ZNF831: variants seen among roughly 807,000 people sequenced by gnomAD.
ZNF831 encodes the protein chromosome 20 open reading frame 174.
In ZNF831, 59 loss-of-function variants were observed where a neutral mutation model predicts 95.8. The ratio of observed to expected loss-of-function variants is 0.62; its 90% confidence interval spans 0.50 to 0.77. ZNF831 has a LOEUF of 0.77. Ranked by LOEUF, ZNF831 falls within the 30% of genes least tolerant of loss-of-function variation. The probability of loss-of-function intolerance (pLI) is 0.00; values close to 1 mark genes in which losing one functional copy is unlikely to be tolerated. For synonymous variants in ZNF831, 961 were observed against 925.5 expected, an observed-to-expected ratio of 1.04 and a Z score of -0.70; for missense variants, 2,205 against 2,164.0, an observed-to-expected ratio of 1.02 and a Z score of -0.38.
chr20:59,237,377 C>A (rs552660164), intron 4 of ZNF831, among the ~76,000 whole-genome samples: 1 of 152,164 alleles, frequency 6.6e-6, no homozygotes, highest in Non-Finnish European at 1.5e-5. Context: ...GACAGGGTCT[C>A]GCTCTGTCAC....
Position 59,192,413 on chromosome 20 carries a change from G to C in ZNF831, c.1394G>C (p.Arg465Thr). The C allele has an allele frequency of 6.2e-7, 1 of 1,611,074 alleles. No individual in the cohort carries two copies. Among genetic ancestry groups the C allele is most frequent in the Non-Finnish European group, 8.5e-7 (1 of 1,179,052 alleles). The change falls in exon 2 of 6, where the codon AGG becomes ACG. Residue 465 changes from arginine (R) to threonine (T), a missense_variant. Transcript: ENST00000371030. The surrounding 1 kb of genome is among the most constrained non-coding windows in gnomAD (Gnocchi z 5.2). ...CGCGCGCTGGAGCCAGGCCGTAGGA[G>C]GGCCCCGGGCCCCGTGCGCTCCACC... ...DIRALEPGRR[R>T]APGPVRSTWT...
chr20:59,142,464 C>T (rs937048596), intron 1 of ZNF831, among the ~76,000 whole-genome samples: 1 of 152,216 alleles, frequency 6.6e-6, no homozygotes, highest in Non-Finnish European at 1.5e-5. Flanking sequence ...TACCCCCTAC[C>T]CCCACATTTA....
At chr20:59,206,725 G>T (rs1029364831) in intron 3 of ZNF831, among the ~76,000 whole-genome samples, 180 bp from the exon 4 acceptor site, 3 of 151,572 alleles carry the variant, frequency 2.0e-5, no homozygotes, top group African/African-American at 7.2e-5. Context: ...CTGAAGCTAG[G>T]CGCATTATCC....
chr20:59,228,401 GC>G (rs1452611986), intron 4 of ZNF831, among the ~76,000 whole-genome samples: 2 of 151,164 alleles, frequency 1.3e-5, no homozygotes, highest in South Asian at 2.2e-4. Context: ...GCTGCTGACA[GC>G]CAACTAACTT....
chr20:59,142,975 C>A (rs1979729073), intron 1 of ZNF831, among the ~76,000 whole-genome samples: 2 of 152,194 alleles, frequency 1.3e-5, no homozygotes, highest in South Asian at 4.1e-4. Context: ...TAACTCACTG[C>A]AACCTCGACC....
At chr20:59,174,758 C>CAAAAAAA (rs970686582) in intron 1 of ZNF831, among the ~76,000 whole-genome samples, 1 of 151,920 alleles carries the variant, frequency 6.6e-6, no homozygotes, top group Admixed American at 6.6e-5. Flanking sequence ...ACAAAACAAA[C>CAAAAAAA]AAAAAAACAC....
rs2146568617 is a variant in ZNF831 at position 59,192,619 on chromosome 20, A to G, written c.1600A>G (p.Ser534Gly). Reference sequence around the variant, plus strand: ...CTGGTCCAGGACGCAGAAGCCTCTGAGCCCCAGGCCCGGCCCAGCCCGCCT... The same window carrying G: ...CTGGTCCAGGACGCAGAAGCCTCTGGGCCCCAGGCCCGGCCCAGCCCGCCT... Reference protein sequence around the residue: ...DPWSRTQKPLSPRPGPARLGC... With the variant: ...DPWSRTQKPLGPRPGPARLGC... Residue 534 changes from serine to glycine, a missense_variant, in exon 2 of 6, where the codon AGC becomes GGC. Coordinates refer to ENST00000371030, the MANE Select transcript of ZNF831 (RefSeq NM_178457.3). This position sits in a 1 kb window ranked among gnomAD's most constrained non-coding sequence, Gnocchi z 5.2. 1.3e-6 allele frequency: 2 copies of G among 1,501,872 alleles called. No homozygotes were observed. Among genetic ancestry groups the G allele is most frequent in the Non-Finnish European group, 8.9e-7 (1 of 1,128,704 alleles). The allele number at this position is 1,501,872 out of a possible 1,614,324, so 93.0% of individuals were successfully genotyped here.
chr20:59,221,413 C>T (rs913783851), intron 4 of ZNF831, among the ~76,000 whole-genome samples: 1 of 152,180 alleles, frequency 6.6e-6, no homozygotes, highest in African/African-American at 2.4e-5. Flanking sequence ...CCTGGCAATA[C>T]TGTGCTCTTG....
chr20:59,195,688 T>C (rs1406247969), intron 2 of ZNF831, 181 bp from the exon 3 acceptor site: 1 of 859,044 alleles, frequency 1.2e-6, no homozygotes, highest in Non-Finnish European at 1.4e-6. Flanking sequence ...GGAGGTTCTG[T>C]CCAGGAACGC....
chr20:59,165,480 G>C (rs922830208), intron 1 of ZNF831, among the ~76,000 whole-genome samples: 5 of 152,186 alleles, frequency 3.3e-5, no homozygotes, highest in African/African-American at 1.2e-4. Context: ...GAGAGTTTAA[G>C]TGACTTATTC....
At chr20:59,129,864 A>C (rs1380341027) in intron 1 of ZNF831, among the ~76,000 whole-genome samples, 3 of 152,204 alleles carry the variant, frequency 2.0e-5, no homozygotes, top group Non-Finnish European at 4.4e-5. Context: ...GGTGCATCCC[A>C]TGCTCGTTCC....
chr20:59,177,574 C>T (rs1404139266), intron 1 of ZNF831, among the ~76,000 whole-genome samples: 1 of 152,192 alleles, frequency 6.6e-6, no homozygotes, highest in Admixed American at 6.5e-5. Flanking sequence ...AGTTGGTATA[C>T]AGTAGACCAG....
At position 59,193,432 on chromosome 20, in the gene ZNF831, G is replaced by A. The variant is rs2146583286; in HGVS notation, c.2413G>A (p.Val805Ile). The change falls in exon 2 of 6, where the codon GTC (valine) becomes ATC (isoleucine). Residue 805 changes from valine to isoleucine, a missense_variant. Val to Ile is a conservative substitution (Grantham distance 29). Coordinates refer to ENST00000371030, the MANE Select transcript of ZNF831 (RefSeq NM_178457.3). Reference sequence around the variant, plus strand: ...GGAGACCTGCCTGTGGGCCCAGACTGTCCTGAGATGGCCCAGCAGGGGCTC... The same window carrying A: ...GGAGACCTGCCTGTGGGCCCAGACTATCCTGAGATGGCCCAGCAGGGGCTC... ...VQETCLWAQTVLRWPSRGSGE... is the reference protein window; with the variant it reads ...VQETCLWAQTILRWPSRGSGE... 6.2e-7 allele frequency: 1 copy of A among 1,601,820 alleles called. No individual in the cohort carries two copies. The highest frequency in any genetic ancestry group is 8.5e-7 in the Non-Finnish European group (1 of 1,174,500).
At position 59,169,437 on chromosome 20, in the gene ZNF831, C is replaced by T. The variant is rs980045432; in HGVS notation, c.-37+5230C>T. On this transcript the variant is annotated intron_variant, in intron 1 of 5. Transcript: ENST00000371030. The surrounding 1 kb of genome is among the most constrained non-coding windows in gnomAD (Gnocchi z 4.1). ...GACATTGATAGTTTGTGTCTTCTCT[C>T]ATTTGTCCTTTGTCAGTTTTTGTAG... Among the ~76,000 whole-genome samples the T allele has an allele frequency of 6.6e-6, 1 of 152,174 alleles. No individual in the cohort carries two copies. The highest frequency in any genetic ancestry group is 2.4e-5 in the African/African-American group (1 of 41,430).
Position 59,191,924 on chromosome 20 carries a change from C to G in ZNF831, c.905C>G (p.Pro302Arg), listed in dbSNP as rs752647974. 45 of 1,611,614 alleles carry G rather than the reference C, an allele frequency of 2.8e-5. No homozygotes were observed. Among genetic ancestry groups the G allele is most frequent in the Non-Finnish European group, 3.7e-5 (44 of 1,179,598 alleles). Residue 302 changes from proline to arginine, a missense_variant, in exon 2 of 6, where the codon CCA becomes CGA. Physicochemically the swap from Pro to Arg is moderately radical, Grantham distance 103. Coordinates refer to ENST00000371030, the MANE Select transcript of ZNF831 (RefSeq NM_178457.3). ...AASTQPWRKL[P>R]EQKSPTAGKP... The stretch of plus-strand genomic sequence containing the variant: ...AGCACACAACCCTGGCGTAAGTTGC[C>G]AGAGCAGAAGTCGCCGACCGCCGGG...
intron 1 of ZNF831, among the ~76,000 whole-genome samples, chr20:59,126,189 T>A (rs1412832728): frequency 2.0e-5 from 3 of 152,240 alleles, no homozygotes; most frequent in Non-Finnish European, 4.4e-5. Flanking sequence ...CTTCCCCACG[T>A]GTGCCAGAGC....
rs755896131 is a variant in ZNF831 at position 59,240,804 on chromosome 20, A to AAAAT, written c.4028-12150_4028-12147dup. Among the ~76,000 whole-genome samples the AAAAT allele has an allele frequency of 7.0e-4, 107 of 152,176 alleles. No individual in the cohort carries two copies. The Middle Eastern group carries it at 0.01, about 15-fold the overall frequency. On this transcript the variant is annotated intron_variant, in intron 4 of 5. Coordinates refer to ENST00000371030, the MANE Select transcript of ZNF831 (RefSeq NM_178457.3). ...GCGACAGAGCGAGCCTCCGTCTCAA[A>AAAAT]AAATAAATAAATAAATAAATAAATA...
At chr20:59,240,727 G>A (rs1037854888) in intron 4 of ZNF831, among the ~76,000 whole-genome samples, 2 of 152,092 alleles carry the variant, frequency 1.3e-5, no homozygotes, top group Non-Finnish European at 2.9e-5. Flanking sequence ...GCGTGAACCC[G>A]GGAGGCGGAG....
chr20:59,234,096 C>T (rs767088982), intron 4 of ZNF831, among the ~76,000 whole-genome samples: 2 of 152,148 alleles, frequency 1.3e-5, no homozygotes, highest in Non-Finnish European at 2.9e-5. Context: ...AGCCACAGAA[C>T]GTAGAGGGGT....
Sources: gnomAD v4.1 joint callset for allele counts (sites outside exome capture counted in the v4.1 genomes callset) on GRCh38, gnomAD v4.1.1 for gene constraint, Gnocchi (gnomAD v3.1) non-coding constraint, MANE v1.5 for transcripts, NCBI Gene and HGNC (gene_info 2026-07-23, HGNC 2026-07-21) for gene names.